The following RALGPS2 variants were observed in gnomAD, a reference collection of about 807,000 sequenced individuals.
RALGPS2 encodes the protein Ral GEF with PH domain and SH3 binding motif 2.
A neutral mutation model predicts 86.8 loss-of-function variants in RALGPS2; 43 were observed. The observed-to-expected ratio is 0.50, with a 90% CI of 0.39 to 0.64. The LOEUF (loss-of-function observed/expected upper bound fraction) is 0.64, where lower values mean the gene tolerates loss of function less well. RALGPS2 is among the 30% of genes least tolerant of loss of function. The probability of loss-of-function intolerance (pLI) is 0.00; values close to 1 mark genes in which losing one functional copy is unlikely to be tolerated. For missense variants in RALGPS2, 536 were observed against 694.6 expected, an observed-to-expected ratio of 0.77 and a Z score of 2.57; for synonymous variants, 243 against 231.3, an observed-to-expected ratio of 1.05 and a Z score of -0.46.
chr1:178,875,799 C>A (rs1216670562), intron 8 of RALGPS2, among the ~76,000 whole-genome samples: 1 of 151,702 alleles, frequency 6.6e-6, no homozygotes, highest in African/African-American at 2.4e-5. Context: ...GGGAAGGAGC[C>A]AGTAGGGGTG....
intron 8 of RALGPS2, among the ~76,000 whole-genome samples, chr1:178,855,378 T>A (rs1051224292): frequency 4.0e-5 from 6 of 151,710 alleles, no homozygotes; most frequent in African/African-American, 1.5e-4. Flanking sequence ...ATTAAATTTC[T>A]CATTTTAAAT....
chr1:178,799,785 T>C (rs143437794), intron 4 of RALGPS2, among the ~76,000 whole-genome samples: 183 of 152,248 alleles, frequency 1.2e-3, no homozygotes, highest in African/African-American at 3.9e-3. Context: ...GTCGGTGATA[T>C]ATAAGAACCC....
At chr1:178,792,488 C>T (rs1654002195) in intron 4 of RALGPS2, among the ~76,000 whole-genome samples, 1 of 152,168 alleles carries the variant, frequency 6.6e-6, no homozygotes, top group Non-Finnish European at 1.5e-5. Context: ...TATTACACGG[C>T]TGCAGCTCAT....
chr1:178,798,303 C>T (rs560722608), intron 4 of RALGPS2, among the ~76,000 whole-genome samples: 5 of 152,284 alleles, frequency 3.3e-5, no homozygotes, highest in African/African-American at 9.6e-5. Flanking sequence ...GTTGCTATTA[C>T]AGTGAGCTCA....
intron 7 of RALGPS2, among the ~76,000 whole-genome samples, chr1:178,824,435 A>G (rs771974410): frequency 1.3e-5 from 2 of 152,194 alleles, no homozygotes. Flanking sequence ...TGACAAGAGA[A>G]TGAGGAATTA....
chr1:178,830,773 C>G (rs1655976199), intron 7 of RALGPS2, among the ~76,000 whole-genome samples: 1 of 152,018 alleles, frequency 6.6e-6, no homozygotes, highest in Non-Finnish European at 1.5e-5. Flanking sequence ...GTAAGAATTT[C>G]TGTTCATCAA....
intron 1 of RALGPS2, among the ~76,000 whole-genome samples, chr1:178,728,153 G>C (rs1470669359): frequency 7.1e-6 from 1 of 140,104 alleles, no homozygotes; most frequent in African/African-American, 3.3e-5. Context: ...TTAAATGAAT[G>C]TTTGCTGAAA....
chr1:178,888,767 C>G (rs1659596881), intron 13 of RALGPS2, among the ~76,000 whole-genome samples: 1 of 152,102 alleles, frequency 6.6e-6, no homozygotes, highest in African/African-American at 2.4e-5. Context: ...AATCCATCGT[C>G]TCTAAGAGAG....
chr1:178,827,125 A>G (rs1397807481), intron 7 of RALGPS2, among the ~76,000 whole-genome samples: 1 of 152,206 alleles, frequency 6.6e-6, no homozygotes, highest in Non-Finnish European at 1.5e-5. Flanking sequence ...TACACAGAAA[A>G]CTATAAAACA....
Position 178,808,094 on chromosome 1 carries a change from C to G in RALGPS2, c.263C>G (p.Pro88Arg). Residue 88 changes from proline (P) to arginine (R), a missense_variant, in exon 5 of 20, where the codon CCA becomes CGA. This residue lies in a region of RALGPS2 where 184 missense variants were observed against 296.7 expected (regional missense o/e 0.62). Transcript: ENST00000367635. ...WNKKEKYSSA[P>R]NAVAFTRRFN... ...AAAAAAGAAAAATATAGTTCTGCAC[C>G]AAATGCAGTTGCCTTCACAAGAAGA... 3.7e-6 allele frequency: 6 copies of G among 1,610,974 alleles called. No homozygotes were observed. Among genetic ancestry groups the G allele is most frequent in the Non-Finnish European group, 4.2e-6 (5 of 1,177,740 alleles).
At chr1:178,747,131 C>A in intron 1 of RALGPS2, 1 of 966,738 alleles carries the variant, frequency 1.0e-6, no homozygotes, top group South Asian at 1.3e-5. Context: ...AATATCATCT[C>A]CTTTTTCCAT....
intron 19 of RALGPS2, among the ~76,000 whole-genome samples, chr1:178,914,310 C>T (rs571839502): frequency 3.9e-4 from 59 of 152,244 alleles, no homozygotes; most frequent in Non-Finnish European, 7.8e-4. Flanking sequence ...AGGCAGTTCC[C>T]CCTGGCAACT....
chr1:178,900,472 G>A (rs1335407420), intron 17 of RALGPS2, among the ~76,000 whole-genome samples: 1 of 151,788 alleles, frequency 6.6e-6, no homozygotes, highest in African/African-American at 2.4e-5. Context: ...AATTTAAATT[G>A]GTATTGTTTT....
chr1:178,862,890 T>C (rs1464272301), intron 8 of RALGPS2, among the ~76,000 whole-genome samples: 1 of 152,160 alleles, frequency 6.6e-6, no homozygotes, highest in East Asian at 1.9e-4. Context: ...CTGCTGGCAA[T>C]GTAAATATAT....
intron 1 of RALGPS2, among the ~76,000 whole-genome samples, chr1:178,726,673 T>C (rs774670045): frequency 4.6e-5 from 7 of 152,332 alleles, no homozygotes; most frequent in Middle Eastern, 3.4e-3. Flanking sequence ...CCCAACACTT[T>C]AGTTGCTATA....
intron 2 of RALGPS2, among the ~76,000 whole-genome samples, chr1:178,779,453 T>C (rs1056119470): frequency 2.2e-4 from 34 of 152,204 alleles, no homozygotes; most frequent in African/African-American, 8.2e-4. Context: ...TTGCCCCAGC[T>C]AGTTACTTAG....
In RALGPS2 at chr1:178,878,918, T is replaced by C; in HGVS notation, c.762T>C (p.Pro254=). The change falls in exon 10 of 20, where the codon CCT becomes CCC. Residue 254 remains proline, a synonymous_variant. Transcript: ENST00000367635. ...QSCEYDIPML[P]HVQKYLNSVQ... The stretch of plus-strand genomic sequence containing the variant: ...TTTGCCTAGATATTCCCATGTTGCC[T>C]CATGTCCAAAAATATCTCAACTCTG... 2 of 1,612,314 alleles carry C rather than the reference T, an allele frequency of 1.2e-6. No individual in the cohort carries two copies. Among genetic ancestry groups the C allele is most frequent in the South Asian group, 2.2e-5 (2 of 90,722 alleles).
At chr1:178,827,642 G>A (rs952632371) in intron 7 of RALGPS2, among the ~76,000 whole-genome samples, 20 of 151,896 alleles carry the variant, frequency 1.3e-4, no homozygotes, top group African/African-American at 4.1e-4. Context: ...TGATCCGCCC[G>A]CCTCGGCCTC....
At chr1:178,754,949 G>A (rs1301631013) in intron 1 of RALGPS2, among the ~76,000 whole-genome samples, 1 of 152,062 alleles carries the variant, frequency 6.6e-6, no homozygotes, top group African/African-American at 2.4e-5. Flanking sequence ...ACAGGCATAT[G>A]CCACCATGCC....
Sources: allele counts gnomAD v4.1 joint callset (sites outside exome capture counted in the v4.1 genomes callset), GRCh38; gene constraint gnomAD v4.1.1; regional missense constraint gnomAD v4.1.1; transcripts MANE v1.5; gene names NCBI Gene and HGNC (gene_info 2026-07-23, HGNC 2026-07-21).